Variants in AFF3 observed in about 807,000 individuals in gnomAD.
AFF3 encodes the protein AF4/FMR2 family member 3.
A neutral mutation model predicts 129.7 loss-of-function variants in AFF3; 32 were observed. The ratio of observed to expected loss-of-function variants is 0.25; its 90% confidence interval spans 0.19 to 0.33. AFF3 has a LOEUF of 0.33. AFF3 is among the 10% of genes least tolerant of loss of function. The pLI, the probability that AFF3 is intolerant of heterozygous loss-of-function variation, is 1.00. For missense variants in AFF3, 1,373 were observed against 1,592.0 expected (o/e 0.86, Z 2.34); for synonymous variants, 644 against 635.4 (o/e 1.01, Z -0.20).
chr2:99,724,255 C>T (rs1362393151), intron 11 of AFF3, among the ~76,000 whole-genome samples: 1 of 92,398 alleles, frequency 1.1e-5, no homozygotes, highest in Non-Finnish European at 2.1e-5. Context: ...CTCCTCACTT[C>T]AGTGGAATGA....
intron 11 of AFF3, among the ~76,000 whole-genome samples, chr2:99,720,192 T>A (rs1678767292): frequency 6.6e-6 from 1 of 152,170 alleles, no homozygotes; most frequent in Non-Finnish European, 1.5e-5. Flanking sequence ...TCTGTCTCCA[T>A]CAAATCTCAT....
chr2:99,968,510 T>C (rs928249330), intron 7 of AFF3, among the ~76,000 whole-genome samples: 3 of 152,194 alleles, frequency 2.0e-5, no homozygotes, highest in South Asian at 2.1e-4. Flanking sequence ...ATCTTTTTTT[T>C]CTCCACTTTG....
chr2:99,833,709 T>C (rs1207347457), intron 8 of AFF3, among the ~76,000 whole-genome samples: 1 of 152,138 alleles, frequency 6.6e-6, no homozygotes, highest in Non-Finnish European at 1.5e-5. Context: ...CCATTCTACG[T>C]TAATGGATAA....
intron 2 of AFF3, among the ~76,000 whole-genome samples, chr2:100,121,341 T>C (rs62149357): frequency 0.36 from 55,188 of 152,070 alleles, 12,493 homozygotes; most frequent in African/African-American, 0.64. Flanking sequence ...GACAGCTTGA[T>C]AGTGTAGCTT....
intron 10 of AFF3, among the ~76,000 whole-genome samples, chr2:99,740,657 G>T (rs1032891557): frequency 2.4e-4 from 36 of 151,848 alleles, no homozygotes; most frequent in Middle Eastern, 3.4e-3. Flanking sequence ...TTTTGATGGG[G>T]TTGTTTGTTT....
intron 7 of AFF3, among the ~76,000 whole-genome samples, chr2:99,930,222 T>C (rs1317981284): frequency 6.6e-6 from 1 of 152,148 alleles, no homozygotes; most frequent in Non-Finnish European, 1.5e-5. Context: ...TTCCTAAGGA[T>C]TGCAACCTGT....
At chr2:100,028,706 TTTATTATTCCTTATACCTA>T (rs1354665918) in intron 4 of AFF3, among the ~76,000 whole-genome samples, 1 of 152,178 alleles carries the variant, frequency 6.6e-6, no homozygotes, top group Non-Finnish European at 1.5e-5. Context: ...ATATTAAACA[TTTATTATTCCTTATACCTA>T]TTAGGATGGC....
rs535635920 is a variant in AFF3, at chr2:99,850,353, T to A, written c.874-12829A>T. ...CAAGACCAAGGAAGGGTCTCAGCAT[T>A]TGAGGAATGGCTGCAGAAAGTGTCA... On this transcript the variant is annotated intron_variant, in intron 7 of 24. Transcript: ENST00000672756. Among the ~76,000 whole-genome samples, 19 of 152,272 alleles carry A rather than the reference T, an allele frequency of 1.2e-4. No individual in the cohort carries two copies. The South Asian group carries it at 1.9e-3, about 15-fold the overall frequency.
At chr2:99,824,021 C>A (rs961439057) in intron 8 of AFF3, among the ~76,000 whole-genome samples, 49 of 152,162 alleles carry the variant, frequency 3.2e-4, no homozygotes, top group Non-Finnish European at 5.4e-4. Context: ...TCACTTGTAC[C>A]CCAAACCTCA....
chr2:100,120,116 A>C (rs1388539408), intron 2 of AFF3, among the ~76,000 whole-genome samples: 1 of 152,238 alleles, frequency 6.6e-6, no homozygotes, highest in East Asian at 1.9e-4. Context: ...GAGAAGTATT[A>C]TCAGGTCTTG....
intron 8 of AFF3, among the ~76,000 whole-genome samples, chr2:99,779,341 T>C (rs1032444488): frequency 3.9e-5 from 6 of 152,228 alleles, no homozygotes; most frequent in African/African-American, 1.4e-4. Context: ...AATTTCAATA[T>C]ATAAAATCAA....
At chr2:99,563,482 G>A (rs980022199) in intron 20 of AFF3, among the ~76,000 whole-genome samples, 69 of 150,878 alleles carry the variant, frequency 4.6e-4, no homozygotes, top group African/African-American at 1.5e-3. Context: ...GAGCCACCGC[G>A]CCCAGAAAAT....
intron 4 of AFF3, among the ~76,000 whole-genome samples, chr2:100,028,936 G>A (rs931866960): frequency 1.3e-5 from 2 of 151,656 alleles, no homozygotes; most frequent in Non-Finnish European, 2.9e-5. Context: ...AAAGAACTGA[G>A]AGCGGGGTCT....
At chr2:99,867,877 T>G (rs1691549043) in intron 7 of AFF3, among the ~76,000 whole-genome samples, 1 of 152,200 alleles carries the variant, frequency 6.6e-6, no homozygotes. Flanking sequence ...GACACTTCAT[T>G]ACGCCAGACT....
At chr2:99,800,272 A>G (rs963338795) in intron 8 of AFF3, among the ~76,000 whole-genome samples, 122 of 152,228 alleles carry the variant, frequency 8.0e-4, no homozygotes, top group African/African-American at 2.9e-3. Flanking sequence ...TTTTTTGAAC[A>G]CATCACCACA....
intron 2 of AFF3, among the ~76,000 whole-genome samples, chr2:100,127,607 A>T (rs570390673): frequency 1.6e-4 from 25 of 152,304 alleles, no homozygotes; most frequent in African/African-American, 6.0e-4. Context: ...GTTTGAATAA[A>T]CAACCCCTGA....
intron 13 of AFF3, among the ~76,000 whole-genome samples, chr2:99,648,917 A>ACACACACACACACACACACTCTCTCT: frequency 1.1e-4 from 5 of 46,928 alleles, no homozygotes; most frequent in Non-Finnish European, 1.8e-4. Context: ...ACACACACAC[A>ACACACACACACACACACACTCTCTCT]CTCTCTCTCT....
intron 4 of AFF3, among the ~76,000 whole-genome samples, chr2:100,014,400 A>C (rs764716213): frequency 2.4e-4 from 37 of 152,174 alleles, no homozygotes; most frequent in Non-Finnish European, 4.1e-4. Flanking sequence ...AAATAACAAA[A>C]ACACAATTCA....
At chr2:99,715,421 GC>G (rs1202297758) in intron 11 of AFF3, among the ~76,000 whole-genome samples, 3 of 152,220 alleles carry the variant, frequency 2.0e-5, no homozygotes, top group African/African-American at 7.2e-5. Context: ...TTTATTTAGT[GC>G]CTATTACGAA....
Sources: gnomAD v4.1 joint callset for allele counts (sites outside exome capture counted in the v4.1 genomes callset) on GRCh38, gnomAD v4.1.1 for gene constraint, MANE v1.5 for transcripts, NCBI Gene and HGNC (gene_info 2026-07-23, HGNC 2026-07-21) for gene names.